The following GPATCH2 variants were observed in gnomAD, a reference collection of about 807,000 sequenced individuals.
The protein encoded by GPATCH2 is G-patch domain containing 2, also known as G patch domain-containing protein 2.
GPATCH2 carries 51 observed loss-of-function variants against 58.0 expected under a neutral mutation model. The ratio of observed to expected loss-of-function variants is 0.88; its 90% CI spans 0.70 to 1.11. GPATCH2 has a LOEUF of 1.11. Among genes scored for constraint, GPATCH2 ranks in the 50% most tolerant of loss-of-function variants. The probability of loss-of-function intolerance (pLI) is 0.00; values close to 1 mark genes in which losing one functional copy is unlikely to be tolerated. For missense variants in GPATCH2, 625 were observed against 652.2 expected, an observed-to-expected ratio of 0.96 and a Z score of 0.45; for synonymous variants, 222 against 218.5, an observed-to-expected ratio of 1.02 and a Z score of -0.14.
chr1:217,537,246 G>A (rs547407570), intron 5 of GPATCH2, among the ~76,000 whole-genome samples: 11 of 151,992 alleles, frequency 7.2e-5, no homozygotes, highest in Admixed American at 2.0e-4. Context: ...GCACTTTACC[G>A]TATTATATTA....
chr1:217,547,540 A>G (rs1665125344), intron 5 of GPATCH2, among the ~76,000 whole-genome samples: 1 of 152,214 alleles, frequency 6.6e-6, no homozygotes, highest in Non-Finnish European at 1.5e-5. Flanking sequence ...CCAAAGGAAT[A>G]TAAGTCATTC....
chr1:217,437,938 G>T (rs2102531645), intron 9 of GPATCH2, among the ~76,000 whole-genome samples: 1 of 152,272 alleles, frequency 6.6e-6, no homozygotes, highest in Middle Eastern at 3.4e-3. Context: ...CTTCCTGACT[G>T]GGAGAAAACT....
intron 6 of GPATCH2, 44 bp from the exon 7 acceptor site, chr1:217,498,439 A>G: frequency 2.1e-6 from 3 of 1,461,324 alleles, no homozygotes; most frequent in Non-Finnish European, 2.9e-6. Context: ...CCTAACTAAA[A>G]GCACGTGCTC....
intron 5 of GPATCH2, among the ~76,000 whole-genome samples, chr1:217,534,911 C>T (rs1664390151): frequency 1.3e-5 from 2 of 152,182 alleles, no homozygotes; most frequent in Admixed American, 1.3e-4. Context: ...TGTTCAAATT[C>T]ATGTTTTGTC....
At chr1:217,552,629 C>T (rs1665420632) in intron 5 of GPATCH2, among the ~76,000 whole-genome samples, 1 of 152,164 alleles carries the variant, frequency 6.6e-6, no homozygotes, top group Non-Finnish European at 1.5e-5. Flanking sequence ...ACTGCTCACA[C>T]TCTGAAAACA....
At chr1:217,629,906 T>G (rs1482671040) in intron 1 of GPATCH2, among the ~76,000 whole-genome samples, 1 of 152,204 alleles carries the variant, frequency 6.6e-6, no homozygotes, top group African/African-American at 2.4e-5. Context: ...TTTTCAGTGA[T>G]AGGTGATGGA....
intron 5 of GPATCH2, among the ~76,000 whole-genome samples, chr1:217,585,847 C>A (rs566686646): frequency 2.0e-5 from 3 of 152,124 alleles, no homozygotes; most frequent in African/African-American, 4.8e-5. Context: ...GATGATATAG[C>A]CTATTATAAC....
At chr1:217,445,107 A>T (rs1416221733) in intron 9 of GPATCH2, among the ~76,000 whole-genome samples, 1 of 152,196 alleles carries the variant, frequency 6.6e-6, no homozygotes, top group East Asian at 1.9e-4. Flanking sequence ...TCATGAAAAA[A>T]ACTACCCTGG....
At chr1:217,615,717 T>C (rs1007735147) in intron 2 of GPATCH2, among the ~76,000 whole-genome samples, 1 of 152,174 alleles carries the variant, frequency 6.6e-6, no homozygotes, top group African/African-American at 2.4e-5. Context: ...GAGTCTGGGA[T>C]AGTACTCCAT....
chr1:217,594,190 T>A (rs936238864), intron 5 of GPATCH2, among the ~76,000 whole-genome samples: 1 of 152,132 alleles, frequency 6.6e-6, no homozygotes, highest in Non-Finnish European at 1.5e-5. Flanking sequence ...ATTTAACTCA[T>A]AATTTTTTCA....
chr1:217,564,291 C>T lies in GPATCH2; in HGVS notation c.1098+46030G>A, dbSNP rs571418931. 3.3e-5 allele frequency among the ~76,000 whole-genome samples: 5 copies of T among 152,178 alleles called. No homozygotes were observed. The South Asian group carries it at 8.3e-4, about 25-fold the overall frequency. ...GTCACCTTGCAGCTCAATTAGCCCT[C>T]ATGTAAAAACGAGGCATGTAAGGAG... On this transcript the variant is annotated intron_variant, in intron 5 of 9. Transcript: ENST00000366935.
intron 8 of GPATCH2, among the ~76,000 whole-genome samples, chr1:217,484,676 T>C (rs1035644760): frequency 1.3e-5 from 2 of 150,092 alleles, no homozygotes; most frequent in East Asian, 3.9e-4. Flanking sequence ...TATACACGTG[T>C]ATACACATAT....
chr1:217,515,386 G>A (rs1030085575), intron 5 of GPATCH2, among the ~76,000 whole-genome samples: 2 of 151,858 alleles, frequency 1.3e-5, no homozygotes, highest in East Asian at 2.0e-4. Context: ...GTGAGCCACC[G>A]CGCCCGACTC....
chr1:217,587,205 A>G (rs1398447197), intron 5 of GPATCH2, among the ~76,000 whole-genome samples: 2 of 152,216 alleles, frequency 1.3e-5, no homozygotes, highest in African/African-American at 4.8e-5. Context: ...AGTTCTAAAA[A>G]CAAAAAGCAG....
At chr1:217,443,758 C>T (rs1158133790) in intron 9 of GPATCH2, among the ~76,000 whole-genome samples, 6 of 152,104 alleles carry the variant, frequency 3.9e-5, no homozygotes, top group African/African-American at 1.4e-4. Context: ...TCAGATCTCG[C>T]CTAAAATTCA....
intron 9 of GPATCH2, among the ~76,000 whole-genome samples, chr1:217,444,778 ATC>A (rs931577580): frequency 2.6e-5 from 4 of 152,184 alleles, no homozygotes; most frequent in African/African-American, 9.6e-5. Flanking sequence ...AGCTACAATA[ATC>A]TACAGCAGCT....
chr1:217,611,188 C>A, intron 3 of GPATCH2, 117 bp from the exon 4 acceptor site: 1 of 872,424 alleles, frequency 1.1e-6, no homozygotes, highest in South Asian at 1.7e-5. Context: ...AATTTGAGAT[C>A]AATGACTAAC....
intron 3 of GPATCH2, among the ~76,000 whole-genome samples, chr1:217,611,976 T>A (rs1480855627): frequency 6.6e-6 from 1 of 151,834 alleles, no homozygotes; most frequent in Non-Finnish European, 1.5e-5. Flanking sequence ...GGTTAGGAGT[T>A]CCAGACCAAC....
At chr1:217,554,898 T>G (rs551569020) in intron 5 of GPATCH2, among the ~76,000 whole-genome samples, 108 of 152,314 alleles carry the variant, frequency 7.1e-4, no homozygotes, top group African/African-American at 2.5e-3. Flanking sequence ...TGCAAAATAG[T>G]TGGAAAATTT....
Sources: gnomAD v4.1 joint callset for allele counts (sites outside exome capture counted in the v4.1 genomes callset) on GRCh38, gnomAD v4.1.1 for gene constraint, MANE v1.5 for transcripts, NCBI Gene and HGNC (gene_info 2026-07-23, HGNC 2026-07-21) for gene names.